ELMO1: variants seen among roughly 807,000 people sequenced by gnomAD.
ELMO1 encodes the protein engulfment and cell motility protein 1.
In ELMO1, 26 loss-of-function variants were observed where a neutral mutation model predicts 98.9. The observed-to-expected ratio is 0.26, with a 90% CI of 0.19 to 0.36. The LOEUF (loss-of-function observed/expected upper bound fraction) is 0.36. Ranked by LOEUF, ELMO1 falls within the 10% of genes least tolerant of loss-of-function variation. The probability of loss-of-function intolerance (pLI) is 1.00; values close to 1 mark genes in which losing one functional copy is unlikely to be tolerated. For missense variants in ELMO1, 627 were observed against 935.2 expected (o/e 0.67, Z 4.30); for synonymous variants, 346 against 346.0 (o/e 1.00, Z 0.00).
At chr7:36,895,704 C>T (rs1300632376) in intron 16 of ELMO1, among the ~76,000 whole-genome samples, 2 of 152,330 alleles carry the variant, frequency 1.3e-5, no homozygotes, top group South Asian at 4.1e-4. Flanking sequence ...AGGCAATTAA[C>T]CACTGCCTCT....
At chr7:37,327,026 G>A (rs992742431) in intron 2 of ELMO1, among the ~76,000 whole-genome samples, 3 of 152,166 alleles carry the variant, frequency 2.0e-5, no homozygotes, top group Admixed American at 6.5e-5. Flanking sequence ...TGGATATCAA[G>A]AACAACGTTT....
chr7:37,143,402 T>C (rs761332231), intron 13 of ELMO1, among the ~76,000 whole-genome samples: 10 of 152,172 alleles, frequency 6.6e-5, no homozygotes, highest in South Asian at 4.1e-4. Context: ...CTGAGATCCA[T>C]CTTTTTATTT....
intron 13 of ELMO1, among the ~76,000 whole-genome samples, chr7:37,150,633 T>C: frequency 1.3e-5 from 2 of 152,318 alleles, no homozygotes; most frequent in Admixed American, 1.3e-4. Flanking sequence ...TATAGAATAT[T>C]TTCTATGTAT....
chr7:37,397,624 A>G (rs1803352897), intron 1 of ELMO1, among the ~76,000 whole-genome samples: 1 of 152,228 alleles, frequency 6.6e-6, no homozygotes, highest in Non-Finnish European at 1.5e-5. Context: ...CAGAAATACC[A>G]TTTGACCCAG....
intron 1 of ELMO1, among the ~76,000 whole-genome samples, chr7:37,365,453 C>T (rs993400023): frequency 6.6e-6 from 1 of 152,180 alleles, no homozygotes; most frequent in Non-Finnish European, 1.5e-5. Context: ...AGGACACCTG[C>T]TCAACAGTGG....
intron 13 of ELMO1, among the ~76,000 whole-genome samples, chr7:37,207,260 C>T (rs1036116308): frequency 1.3e-5 from 2 of 152,182 alleles, no homozygotes; most frequent in African/African-American, 4.8e-5. Flanking sequence ...CTAAAAATAG[C>T]ATTATCCCGG....
At chr7:37,236,530 C>A (rs1181869509) in intron 7 of ELMO1, among the ~76,000 whole-genome samples, 2 of 152,108 alleles carry the variant, frequency 1.3e-5, no homozygotes, top group African/African-American at 4.8e-5. Flanking sequence ...TATAATAGGA[C>A]CTATTTTATA....
chr7:37,268,626 G>A (rs778162226), intron 5 of ELMO1, among the ~76,000 whole-genome samples: 41 of 152,262 alleles, frequency 2.7e-4, no homozygotes, highest in Non-Finnish European at 5.0e-4. Context: ...GCAGGAGATA[G>A]ATAAAGATAC....
intron 1 of ELMO1, among the ~76,000 whole-genome samples, chr7:37,398,477 G>A (rs1412839067): frequency 1.3e-5 from 2 of 152,146 alleles, no homozygotes; most frequent in Non-Finnish European, 2.9e-5. Flanking sequence ...AGAAAGCGAT[G>A]GATTCACTAA....
At chr7:37,437,646 C>T (rs115441091) in intron 1 of ELMO1, among the ~76,000 whole-genome samples, 2,717 of 152,116 alleles carry the variant, frequency 0.018, 91 homozygotes, top group African/African-American at 0.063. Flanking sequence ...GTGGTGGGAA[C>T]ATTTAAAATC....
At chr7:37,173,016 A>G (rs1199103579) in intron 13 of ELMO1, among the ~76,000 whole-genome samples, 1 of 152,216 alleles carries the variant, frequency 6.6e-6, no homozygotes, top group African/African-American at 2.4e-5. Flanking sequence ...TGAGATGGAT[A>G]TGTAAGAACC....
chr7:37,039,456 C>T (rs577943252), intron 15 of ELMO1, among the ~76,000 whole-genome samples: 2 of 152,204 alleles, frequency 1.3e-5, no homozygotes, highest in Non-Finnish European at 2.9e-5. Flanking sequence ...CCTTTCCCCA[C>T]AAAACTGGAG....
At chr7:37,122,918 A>C (rs1786178283) in intron 14 of ELMO1, among the ~76,000 whole-genome samples, 1 of 152,216 alleles carries the variant, frequency 6.6e-6, no homozygotes, top group East Asian at 1.9e-4. Flanking sequence ...AAAAGAACAT[A>C]AATTATAACA....
chr7:37,318,783 C>A (rs569792497), intron 2 of ELMO1, among the ~76,000 whole-genome samples: 1 of 152,188 alleles, frequency 6.6e-6, no homozygotes, highest in Non-Finnish European at 1.5e-5. Flanking sequence ...CCCAATCAAA[C>A]ATTAGCCCTC....
At chr7:37,436,387 G>T (rs188579636) in intron 1 of ELMO1, among the ~76,000 whole-genome samples, 1 of 152,296 alleles carries the variant, frequency 6.6e-6, no homozygotes, top group African/African-American at 2.4e-5. Context: ...ATATTTGTCA[G>T]GTCCAATGAA....
chr7:36,872,832 G>A (rs902287783), intron 19 of ELMO1, among the ~76,000 whole-genome samples: 1 of 152,208 alleles, frequency 6.6e-6, no homozygotes, highest in African/African-American at 2.4e-5. Context: ...TAGAGTTTGA[G>A]TCACAAGTGT....
intron 16 of ELMO1, among the ~76,000 whole-genome samples, chr7:36,961,581 T>A (rs1788954866): frequency 6.6e-6 from 1 of 152,228 alleles, no homozygotes; most frequent in South Asian, 2.1e-4. Context: ...AAAGTACTTT[T>A]TCTGAAAACC....
chr7:36,878,693 G>C (rs1211269528), intron 18 of ELMO1, among the ~76,000 whole-genome samples: 1 of 152,136 alleles, frequency 6.6e-6, no homozygotes, highest in Non-Finnish European at 1.5e-5. Flanking sequence ...ATAATTCACG[G>C]ATTTAGCCAA....
Position 37,447,645 on chromosome 7 carries a change from C to CCA in ELMO1, c.-74+1028_-74+1029dup, listed in dbSNP as rs553791761. Among the ~76,000 whole-genome samples the CCA allele has an allele frequency of 8.0e-3, 1,190 of 149,486 alleles. 16 individuals carry two copies. Among genetic ancestry groups the CCA allele is most frequent in the African/African-American group, 0.027 (1,096 of 40,250 alleles). On this transcript the variant is annotated intron_variant, in intron 1 of 21. Transcript: ENST00000310758. ...CACACACACACCCACAACACCCCCC[C>CCA]CACACACACACACTCACACACACAC... is the stretch of plus-strand genomic sequence containing the variant.
Sources: allele counts gnomAD v4.1 joint callset (sites outside exome capture counted in the v4.1 genomes callset), GRCh38; gene constraint gnomAD v4.1.1; transcripts MANE v1.5; gene names NCBI Gene and HGNC (gene_info 2026-07-23, HGNC 2026-07-21).